CARMIL3: variants seen among roughly 807,000 people sequenced by gnomAD.
CARMIL3 encodes capping protein regulator and myosin 1 linker 3, also known as capping protein, Arp2/3 and myosin-I linker protein 3.
In CARMIL3, 88 loss-of-function variants were observed where a neutral mutation model predicts 180.8. The ratio of observed to expected loss-of-function variants is 0.49; its 90% CI spans 0.41 to 0.58. The LOEUF (loss-of-function observed/expected upper bound fraction) is 0.58, where lower values mean the gene tolerates loss of function less well. Among genes scored for constraint, CARMIL3 ranks in the 20% least tolerant of loss-of-function variants. The probability of loss-of-function intolerance (pLI) is 0.00; values close to 1 mark genes in which losing one functional copy is unlikely to be tolerated. For missense variants in CARMIL3, 1,548 were observed against 1,787.0 expected (o/e 0.87, Z 2.41); for synonymous variants, 696 against 714.5 (o/e 0.97, Z 0.41).
rs61740581 is a variant in CARMIL3, at chr14:24,057,169, C to T, written c.1065C>T (p.Ala355=). The T allele has an allele frequency of 2.3e-3, 3,689 of 1,613,806 alleles. 76 individuals carry two copies. In the African/African-American group the frequency reaches 0.043, roughly 19 times the overall value. The change falls in exon 14 of 40, where the codon GCC becomes GCT. Residue 355 remains alanine, a splice_region_variant and synonymous_variant. Coordinates refer to ENST00000342740, the MANE Select transcript of CARMIL3 (RefSeq NM_138360.4). ...PGLLATDEAN[A]LYSFLAQPNA... ...ACCCCTCTTCCTTCCTACTCCAGGC[C>T]CTCTACAGTTTCCTGGCCCAACCCA...
At position 24,061,757 on chromosome 14, in the gene CARMIL3, G is replaced by T. The variant is rs542863553; in HGVS notation, c.2480+85G>T. The T allele has an allele frequency of 1.6e-3, 2,133 of 1,354,776 alleles. 3 individuals are homozygous for T. The highest frequency in any genetic ancestry group is 2.0e-3 in the Non-Finnish European group (1,977 of 982,672). 83.9% of individuals were successfully genotyped at this position (1,354,776 alleles called of 1,614,324 possible). A position where few individuals can be genotyped will look rare whatever the true frequency, so the allele number is the denominator to read the frequency against. On this transcript the variant is annotated intron_variant, in intron 27 of 39. Transcript: ENST00000342740. The surrounding 1 kb of genome is among the most constrained non-coding windows in gnomAD (Gnocchi z 4.1). The stretch of plus-strand genomic sequence containing the variant: ...TTAGGACTGGAGAGCTATCAGCAAT[G>T]AATAATGAATGGCACAATCTCCATT...
intron 13 of CARMIL3, 26 bp downstream of exon 13, chr14:24,057,050 C>G (rs981992639): frequency 1.4e-5 from 22 of 1,606,782 alleles, no homozygotes; most frequent in Non-Finnish European, 1.9e-5. Flanking sequence ...AGCCTCAGCC[C>G]CCTGCAGAAA....
chr14:24,069,467 C>T lies in CARMIL3; in HGVS notation c.*63C>T, dbSNP rs1298754150. The T allele has an allele frequency of 1.2e-6, 2 of 1,606,312 alleles. No homozygotes were observed. Among genetic ancestry groups the T allele is most frequent in the Middle Eastern group, 1.7e-4 (1 of 5,962 alleles). Reference sequence around the variant, plus strand: ...CCTCGCAAGGACTCAGACCCCTATCCACCCCCAGTCCCCAGGGCCCCCTGC... The same window carrying T: ...CCTCGCAAGGACTCAGACCCCTATCTACCCCCAGTCCCCAGGGCCCCCTGC... On this transcript the variant is annotated 3_prime_UTR_variant, in exon 40 of 40. Transcript: ENST00000342740.
In CARMIL3 at chr14:24,059,036, T is replaced by C; in HGVS notation, c.1571+50T>C. ...AGACCCTCATCCCATCATTCACCCA[T>C]CCTCTTGGCTCACCGTATTACCTCT... On this transcript the variant is annotated intron_variant, in intron 19 of 39. Transcript: ENST00000342740. This position sits in a 1 kb window ranked among gnomAD's most constrained non-coding sequence, Gnocchi z 6.3. The C allele has an allele frequency of 1.2e-6, 2 of 1,605,506 alleles. No individual in the cohort carries two copies. The highest frequency in any genetic ancestry group is 1.7e-6 in the Non-Finnish European group (2 of 1,175,338).
chr14:24,057,378 A>G (rs2138722007), intron 14 of CARMIL3, 134 bp downstream of exon 14: 1 of 792,870 alleles, frequency 1.3e-6, no homozygotes, highest in South Asian at 1.5e-5. Context: ...GCTGAAGTAT[A>G]AAGCAATGTC....
chr14:24,053,060 G>A (rs1186858143), intron 1 of CARMIL3, among the ~76,000 whole-genome samples: 2 of 148,182 alleles, frequency 1.3e-5, no homozygotes, highest in East Asian at 3.9e-4. Context: ...GCACACGCGC[G>A]TGCACACACA....
At position 24,065,493 on chromosome 14, in the gene CARMIL3, A is replaced by C. The variant is rs918808460; in HGVS notation, c.3397-129A>C. 1.5e-5 allele frequency: 20 copies of C among 1,377,936 alleles called. No individual in the cohort carries two copies. In the Admixed American group the frequency reaches 1.9e-4, roughly 13 times the overall value. 85.4% of individuals were successfully genotyped at this position (1,377,936 alleles called of 1,614,324 possible). A position where few individuals can be genotyped will look rare whatever the true frequency, so the allele number is the denominator to read the frequency against. ...AATGCAGGCGTTGGAAGGACTCTTC[A>C]GAGGGTCTCTGCAGGGCTTCCCCGT... On this transcript the variant is annotated intron_variant, in intron 33 of 39. Transcript: ENST00000342740.
intron 14 of CARMIL3, 97 bp from the exon 15 acceptor site, chr14:24,057,706 G>C: frequency 9.7e-7 from 1 of 1,032,412 alleles, no homozygotes; most frequent in South Asian, 1.4e-5. Flanking sequence ...AGAGAATGAA[G>C]AGCCAGGAAC....
Position 24,059,807 on chromosome 14 carries a change from G to T in CARMIL3, c.1868+75G>T, listed in dbSNP as rs1162247629. ...CCTGGATCAGGCCTGAACTACTCTTGCCCCACCCTAGCCCCTTTGACCTAT... is the reference window on the plus strand; with the variant it reads ...CCTGGATCAGGCCTGAACTACTCTTTCCCCACCCTAGCCCCTTTGACCTAT... On this transcript the variant is annotated intron_variant, in intron 22 of 39. Coordinates refer to ENST00000342740, the MANE Select transcript of CARMIL3 (RefSeq NM_138360.4). This position sits in a 1 kb window ranked among gnomAD's most constrained non-coding sequence, Gnocchi z 6.3. 1 of 1,562,194 alleles carries T rather than the reference G, an allele frequency of 6.4e-7. No homozygotes were observed. The highest frequency in any genetic ancestry group is 1.7e-5 in the Admixed American group (1 of 59,090).
chr14:24,063,344 G>C lies in CARMIL3; in HGVS notation c.2790G>C (p.Met930Ile). Residue 930 changes from methionine (M) to isoleucine (I), a missense_variant, in exon 31 of 40, where the codon ATG becomes ATC. Coordinates refer to ENST00000342740, the MANE Select transcript of CARMIL3 (RefSeq NM_138360.4). The stretch of plus-strand genomic sequence containing the variant: ...TTGCAGGCGGGAGCCCTCAGGACAT[G>C]GAAAGCCAACTGGGGAATCTGGGGA... The part of the protein sequence containing the change: ...SAFISGSPQD[M>I]ESQLGNLGIP... The C allele has an allele frequency of 6.2e-7, 1 of 1,603,858 alleles. No individual in the cohort carries two copies. The highest frequency in any genetic ancestry group is 1.1e-5 in the South Asian group (1 of 90,256).
chr14:24,065,831 G>C lies in CARMIL3; in HGVS notation c.3525+81G>C, dbSNP rs2035781749. ...CTCTCCTTCCCACTCCCTCATCCCT[G>C]GTGGTTCAGTAGAGAAAGCAGATGC... is the stretch of plus-strand genomic sequence containing the variant. On this transcript the variant is annotated intron_variant, in intron 34 of 39. Transcript: ENST00000342740. The C allele has an allele frequency of 5.8e-6, 9 of 1,555,514 alleles. No individual in the cohort carries two copies. In the South Asian group the frequency reaches 8.5e-5, roughly 15 times the overall value.
At chr14:24,062,322 A>G in intron 27 of CARMIL3, 158 bp from the exon 28 acceptor site, 2 of 711,138 alleles carry the variant, frequency 2.8e-6, no homozygotes, top group East Asian at 2.5e-5. Context: ...ATGAGTGTCA[A>G]GGGCTAGGCT....
At chr14:24,065,888 GC>G in intron 34 of CARMIL3, 138 bp downstream of exon 34, 2 of 1,255,234 alleles carry the variant, frequency 1.6e-6, no homozygotes, top group Non-Finnish European at 2.2e-6. Flanking sequence ...CTGCTCTTCA[GC>G]CCCCACCACA....
chr14:24,057,924 C>G, intron 15 of CARMIL3, 36 bp from the exon 16 acceptor site: 2 of 1,612,978 alleles, frequency 1.2e-6, no homozygotes, highest in Admixed American at 3.3e-5. Context: ...ACATGGCCAA[C>G]CCCCTCCCTC....
rs2035621740 is a variant in CARMIL3 at position 24,052,117 on chromosome 14, C to T, written c.-37C>T. On this transcript the variant is annotated 5_prime_UTR_variant, in exon 1 of 40. Coordinates refer to ENST00000342740, the MANE Select transcript of CARMIL3 (RefSeq NM_138360.4). The stretch of plus-strand genomic sequence containing the variant: ...TGCCGCGGCTCCCCGGCGGCGGCGG[C>T]GGCTCCTCTGCAGCAGCCTCAGCAG... 4 of 1,536,744 alleles carry T rather than the reference C, an allele frequency of 2.6e-6. No homozygotes were observed. The highest frequency in any genetic ancestry group is 3.5e-6 in the Non-Finnish European group (4 of 1,147,562).
Position 24,052,127 on chromosome 14 carries a change from G to A in CARMIL3, c.-27G>A. ...CCCCGGCGGCGGCGGCGGCTCCTCT[G>A]CAGCAGCCTCAGCAGCAGCGGCCGC... On this transcript the variant is annotated 5_prime_UTR_variant, in exon 1 of 40. Coordinates refer to ENST00000342740, the MANE Select transcript of CARMIL3 (RefSeq NM_138360.4). 1 of 1,557,738 alleles carries A rather than the reference G, an allele frequency of 6.4e-7. No individual in the cohort carries two copies. The highest frequency in any genetic ancestry group is 8.6e-7 in the Non-Finnish European group (1 of 1,158,104).
In CARMIL3 at chr14:24,055,628, G is replaced by T. The variant is rs376702144; in HGVS notation, c.681+10G>T. 1 of 1,614,090 alleles carries T rather than the reference G, an allele frequency of 6.2e-7. No individual in the cohort carries two copies. Among genetic ancestry groups the T allele is most frequent in the Non-Finnish European group, 8.5e-7 (1 of 1,179,994 alleles). ...CAAGGACTTGCGGCTGGTAGGAACT[G>T]GGAGGGGCTGGTGAGGTGGGAGAAG... On this transcript the variant is annotated intron_variant, in intron 9 of 39. Transcript: ENST00000342740.
intron 24 of CARMIL3, 93 bp downstream of exon 24, chr14:24,060,348 C>G (rs2035720304): frequency 7.2e-7 from 1 of 1,384,588 alleles, no homozygotes; most frequent in Admixed American, 1.8e-5. Flanking sequence ...CATGAAGAGG[C>G]ACTGCATGGT....
At chr14:24,065,425 C>T in intron 33 of CARMIL3, 152 bp downstream of exon 33, 1 of 1,064,584 alleles carries the variant, frequency 9.4e-7, no homozygotes, top group South Asian at 1.7e-5. Flanking sequence ...TGAGAGTGGA[C>T]TAAGACCCAG....
Sources: allele counts gnomAD v4.1 joint callset (sites outside exome capture counted in the v4.1 genomes callset), GRCh38; gene constraint gnomAD v4.1.1; non-coding constraint Gnocchi (gnomAD v3.1); transcripts MANE v1.5; gene names NCBI Gene and HGNC (gene_info 2026-07-23, HGNC 2026-07-21).